Variants in ECE1 observed in about 807,000 individuals in gnomAD.
ECE1 encodes endothelin converting enzyme 1, also known as endothelin-converting enzyme 1.
Under a neutral mutation model 98.6 loss-of-function variants are expected in ECE1, and 35 were observed. The observed-to-expected ratio is 0.35, with a 90% CI of 0.27 to 0.47. The LOEUF (loss-of-function observed/expected upper bound fraction) is 0.47. ECE1 is among the 20% of genes least tolerant of loss of function. The pLI is 1.00. For missense variants in ECE1, 814 were observed against 1,025.3 expected (o/e 0.79, Z 2.81); for synonymous variants, 394 against 407.1 (o/e 0.97, Z 0.39).
chr1:21,224,729 G>T (rs1189372884), intron 17 of ECE1, among the ~76,000 whole-genome samples: 1 of 152,056 alleles, frequency 6.6e-6, no homozygotes, highest in African/African-American at 2.4e-5. Flanking sequence ...TGTCTCTCTG[G>T]GTCAGCCCGT....
At position 21,345,391 on chromosome 1, in the gene ECE1, C is replaced by A. The variant is rs1166524451; in HGVS notation, c.-13G>T. ...CAGCACTCACCATAGCTCGCGTGCT[C>A]CGCCCCGGCTTCGCGCAGCTCCCCG... On this transcript the variant is annotated 5_prime_UTR_variant, in exon 1 of 19. Transcript: ENST00000415912. This position sits in a 1 kb window ranked among gnomAD's most constrained non-coding sequence, Gnocchi z 5.1. The A allele has an allele frequency of 6.0e-6, 8 of 1,339,038 alleles. No homozygotes were observed. Among genetic ancestry groups the A allele is most frequent in the Non-Finnish European group, 7.7e-6 (8 of 1,034,884 alleles). The allele number at this position is 1,339,038 out of a possible 1,614,324, so 82.9% of individuals were successfully genotyped here.
chr1:21,233,567 T>C lies in ECE1; in HGVS notation c.1661A>G (p.Asn554Ser), dbSNP rs138566481. The change falls in exon 14 of 19, where the codon AAC becomes AGC. Residue 554 changes from asparagine to serine, a missense_variant. Asn to Ser is a conservative substitution (Grantham distance 46). This residue lies in a region of ECE1 where 452 missense variants were observed against 567.3 expected (regional missense o/e 0.80). Transcript: ENST00000374893. The surrounding 1 kb of genome is among the most constrained non-coding windows in gnomAD (Gnocchi z 4.0). The part of the protein sequence containing the change: ...VTADQLRKAP[N>S]RDQWSMTPPM... ...GCCTGGGGGAACTCACTGATCTCTG[T>C]TGGGGGCTTTCCTGAGCTGATCGGC... 77 of 1,613,452 alleles carry C rather than the reference T, an allele frequency of 4.8e-5. 1 individual carries two copies. The African/African-American group carries it at 8.0e-4, about 17-fold the overall frequency.
At chr1:21,306,876 AC>A (rs1180740709) in intron 1 of ECE1, among the ~76,000 whole-genome samples, 1 of 151,012 alleles carries the variant, frequency 6.6e-6, no homozygotes, top group Non-Finnish European at 1.5e-5. Context: ...TGTCTGACCA[AC>A]CCCCCCAATC....
At chr1:21,304,315 CAAAAA>C (rs71014183) in intron 1 of ECE1, among the ~76,000 whole-genome samples, 1 of 48,640 alleles carries the variant, frequency 2.1e-5, no homozygotes, top group African/African-American at 1.0e-4. Flanking sequence ...GACTCCCTCT[CAAAAA>C]AAAAAAAAAA....
At chr1:21,318,799 G>A (rs754886111) in intron 1 of ECE1, among the ~76,000 whole-genome samples, 3 of 152,154 alleles carry the variant, frequency 2.0e-5, no homozygotes, top group Admixed American at 6.5e-5. Context: ...GCCAAAAAGC[G>A]GACGGGGGAG....
chr1:21,217,505 C>A lies in ECE1; in HGVS notation c.*2450G>T, dbSNP rs757823674. On this transcript the variant is annotated 3_prime_UTR_variant, in exon 19 of 19. Transcript: ENST00000374893. ...GCCCTCTTCTTCCCCAACCCCCTGC[C>A]GGCCCCGGCAGACCTGAGCCATGAG... 1 of 152,498 alleles carries A rather than the reference C, an allele frequency of 6.6e-6. No individual in the cohort carries two copies. Among genetic ancestry groups the A allele is most frequent in the South Asian group, 2.1e-4 (1 of 4,838 alleles). 9.4% of individuals were successfully genotyped at this position (152,498 alleles called of 1,614,324 possible).
chr1:21,292,687 G>A (rs2103365936), upstream of ECE1, among the ~76,000 whole-genome samples: 1 of 152,328 alleles, frequency 6.6e-6, no homozygotes, highest in African/African-American at 2.4e-5. Flanking sequence ...ACAAACGGTT[G>A]TTAAAATCAA....
intron 1 of ECE1, among the ~76,000 whole-genome samples, chr1:21,315,980 C>A (rs1345890295): frequency 6.6e-6 from 1 of 152,146 alleles, no homozygotes; most frequent in Non-Finnish European, 1.5e-5. Flanking sequence ...CCACAGTCAG[C>A]TTACCTGTGA....
rs373357564 is a variant in ECE1, at chr1:21,260,423, C to T, written c.494-31G>A. The T allele has an allele frequency of 2.4e-5, 38 of 1,613,930 alleles. No individual in the cohort carries two copies. The East Asian group carries it at 4.9e-4, about 21-fold the overall frequency. On this transcript the variant is annotated intron_variant, in intron 4 of 18. Transcript: ENST00000374893. The surrounding 1 kb of genome is among the most constrained non-coding windows in gnomAD (Gnocchi z 4.3). ...ACAACAGACAGTGGAGTTTGCAATGCGGCCCCACTTGCCCACTGGGTGGCT... is the reference window on the plus strand; with the variant it reads ...ACAACAGACAGTGGAGTTTGCAATGTGGCCCCACTTGCCCACTGGGTGGCT...
At chr1:21,289,328 T>TGAGGTC (rs1215200183) in intron 2 of ECE1, among the ~76,000 whole-genome samples, 1 of 152,032 alleles carries the variant, frequency 6.6e-6, no homozygotes, top group Non-Finnish European at 1.5e-5. Flanking sequence ...CCTCCAGCAC[T>TGAGGTC]GAGGTCTTGG....
chr1:21,337,168 G>A (rs1569788421), intron 1 of ECE1, among the ~76,000 whole-genome samples: 1 of 152,236 alleles, frequency 6.6e-6, no homozygotes, highest in Non-Finnish European at 1.5e-5. Flanking sequence ...GAATGTCACA[G>A]CAGCCTCAAG....
In ECE1 at chr1:21,290,428, C is replaced by T. The variant is rs1174294135; in HGVS notation, c.-14G>A. ...CACGCCCCGCATGCTGTGCCCCAGA[C>T]GCCTGGTCCCGCTGCCCGGGTGGCC... is the stretch of plus-strand genomic sequence containing the variant. On this transcript the variant is annotated 5_prime_UTR_variant, in exon 1 of 19. Transcript: ENST00000374893. The surrounding 1 kb of genome is among the most constrained non-coding windows in gnomAD (Gnocchi z 7.3). The T allele has an allele frequency of 8.1e-7, 1 of 1,230,148 alleles. No homozygotes were observed. The highest frequency in any genetic ancestry group is 1.0e-6 in the Non-Finnish European group (1 of 987,314). 76.2% of individuals were successfully genotyped at this position (1,230,148 alleles called of 1,614,324 possible). A position where few individuals can be genotyped will look rare whatever the true frequency, so the allele number is the denominator to read the frequency against.
At chr1:21,305,867 G>A (rs1449318199) in intron 1 of ECE1, among the ~76,000 whole-genome samples, 1 of 152,222 alleles carries the variant, frequency 6.6e-6, no homozygotes, top group East Asian at 1.9e-4. Context: ...TGGCAGGACA[G>A]GGAGCCACCT....
intron 16 of ECE1, 143 bp downstream of exon 16, chr1:21,227,016 G>A: frequency 2.6e-6 from 2 of 778,878 alleles, no homozygotes; most frequent in Non-Finnish European, 4.3e-6. Context: ...AATCCATCAT[G>A]CACAGCCTAA....
At chr1:21,251,239 C>T (rs979194330) in intron 8 of ECE1, among the ~76,000 whole-genome samples, 4 of 152,186 alleles carry the variant, frequency 2.6e-5, no homozygotes, top group African/African-American at 7.2e-5. Flanking sequence ...GCGCCGGGCA[C>T]GGTGGCTCAT....
chr1:21,252,642 A>C (rs1472678762), intron 8 of ECE1, among the ~76,000 whole-genome samples: 1 of 152,258 alleles, frequency 6.6e-6, no homozygotes, highest in East Asian at 1.9e-4. Context: ...CTCTGAGTTC[A>C]GACTCTGCTG....
chr1:21,225,901 GC>G lies in ECE1; in HGVS notation c.1850-462del, dbSNP rs1431129359. 6.6e-6 allele frequency among the ~76,000 whole-genome samples: 1 copy of G among 151,682 alleles called. No homozygotes were observed. The highest frequency in any genetic ancestry group is 1.5e-5 in the Non-Finnish European group (1 of 67,914). ...GTAGAGATGGGGTCTCACCATGTTG[GC>G]CAGGCTGGTCTTGAACTCCTGACCT... On this transcript the variant is annotated intron_variant, in intron 16 of 18. Transcript: ENST00000374893. This position sits in a 1 kb window ranked among gnomAD's most constrained non-coding sequence, Gnocchi z 5.3.
At chr1:21,298,961 T>A in intron 1 of ECE1, 1 of 450,024 alleles carries the variant, frequency 2.2e-6, no homozygotes, top group Non-Finnish European at 4.5e-6. Flanking sequence ...CAGATGCCCC[T>A]GCACCTCCTC....
At chr1:21,277,466 A>G (rs2098248812) in intron 3 of ECE1, among the ~76,000 whole-genome samples, 1 of 152,128 alleles carries the variant, frequency 6.6e-6, no homozygotes, top group Non-Finnish European at 1.5e-5. Context: ...CAGGGTCCAC[A>G]CTGACCAGGA....
Sources: gnomAD v4.1 joint callset for allele counts (sites outside exome capture counted in the v4.1 genomes callset) on GRCh38, gnomAD v4.1.1 for gene constraint, gnomAD v4.1.1 regional missense constraint, Gnocchi (gnomAD v3.1) non-coding constraint, MANE v1.5 for transcripts, NCBI Gene and HGNC (gene_info 2026-07-23, HGNC 2026-07-21) for gene names.